The following TXNDC16 variants were observed in gnomAD, a reference collection of about 807,000 sequenced individuals.
TXNDC16 encodes the protein thioredoxin domain-containing protein 16.
A neutral mutation model predicts 85.6 loss-of-function variants in TXNDC16; 74 were observed. The observed-to-expected ratio is 0.86, with a 90% CI of 0.72 to 1.05. The LOEUF (loss-of-function observed/expected upper bound fraction) is 1.05. Among genes scored for constraint, TXNDC16 ranks in the 50% least tolerant of loss-of-function variants. The pLI, the probability that TXNDC16 is intolerant of heterozygous loss-of-function variation, is 0.00. For missense variants in TXNDC16, 959 were observed against 947.0 expected (o/e 1.01, Z -0.17); for synonymous variants, 335 against 326.5 (o/e 1.03, Z -0.28).
At chr14:52,486,564 C>A (rs772212065) in intron 12 of TXNDC16, among the ~76,000 whole-genome samples, 1 of 151,980 alleles carries the variant, frequency 6.6e-6, no homozygotes, top group Non-Finnish European at 1.5e-5. Flanking sequence ...CATTCTGATT[C>A]CATTTTGCTG....
At chr14:52,532,350 C>A (rs548620851) in intron 6 of TXNDC16, among the ~76,000 whole-genome samples, 1 of 152,128 alleles carries the variant, frequency 6.6e-6, no homozygotes, top group South Asian at 2.1e-4. Flanking sequence ...TCACTCAAGC[C>A]TGGGGAATAC....
chr14:52,507,232 C>T (rs899849580), intron 9 of TXNDC16, among the ~76,000 whole-genome samples: 1 of 152,112 alleles, frequency 6.6e-6, no homozygotes, highest in Non-Finnish European at 1.5e-5. Context: ...GATACAAAAT[C>T]AATGTGCAAA....
At chr14:52,443,546 C>T (rs2035212101) in intron 18 of TXNDC16, among the ~76,000 whole-genome samples, 2 of 152,100 alleles carry the variant, frequency 1.3e-5, no homozygotes, top group Non-Finnish European at 2.9e-5. Flanking sequence ...TGTGCTTGAG[C>T]AGGGATTTCA....
chr14:52,520,534 C>G (rs899114307), intron 6 of TXNDC16, among the ~76,000 whole-genome samples: 3 of 152,148 alleles, frequency 2.0e-5, no homozygotes, highest in Admixed American at 1.3e-4. Context: ...GGCATGAACC[C>G]GGGAGGAGGA....
At chr14:52,504,078 C>G (rs2036729195) in intron 9 of TXNDC16, among the ~76,000 whole-genome samples, 1 of 152,092 alleles carries the variant, frequency 6.6e-6, no homozygotes, top group Non-Finnish European at 1.5e-5. Flanking sequence ...CGTGAAAAGA[C>G]CAAATCTACG....
At chr14:52,540,770 G>A (rs758665483) in intron 4 of TXNDC16, among the ~76,000 whole-genome samples, 7 of 152,128 alleles carry the variant, frequency 4.6e-5, no homozygotes, top group Non-Finnish European at 7.4e-5. Context: ...AAAAGGACAG[G>A]GGCTTAGTCA....
chr14:52,485,382 T>C (rs991317505), intron 12 of TXNDC16, among the ~76,000 whole-genome samples: 3 of 152,180 alleles, frequency 2.0e-5, no homozygotes, highest in Admixed American at 6.5e-5. Context: ...TTTTTAAAAA[T>C]TGTAAAAATG....
intron 18 of TXNDC16, among the ~76,000 whole-genome samples, chr14:52,444,101 G>A (rs941722785): frequency 3.3e-5 from 5 of 152,134 alleles, no homozygotes; most frequent in Non-Finnish European, 5.9e-5. Context: ...AGAATGTTGA[G>A]GAGGAATGGT....
At chr14:52,444,715 C>A (rs1417764944) in intron 18 of TXNDC16, among the ~76,000 whole-genome samples, 2 of 151,810 alleles carry the variant, frequency 1.3e-5, no homozygotes. Context: ...ACTAAATATA[C>A]CAAGATAAAA....
chr14:52,498,959 G>A (rs1294567723), intron 9 of TXNDC16, among the ~76,000 whole-genome samples: 3 of 152,070 alleles, frequency 2.0e-5, no homozygotes, highest in African/African-American at 7.2e-5. Context: ...GCCTAGTACT[G>A]GCATAAAAAC....
chr14:52,523,460 A>G (rs1299267333), intron 6 of TXNDC16, among the ~76,000 whole-genome samples: 2 of 152,198 alleles, frequency 1.3e-5, no homozygotes, highest in African/African-American at 4.8e-5. Flanking sequence ...AAATTCTTAG[A>G]ACACAACAAA....
chr14:52,530,761 G>A (rs1038390879), intron 6 of TXNDC16, among the ~76,000 whole-genome samples: 8 of 145,340 alleles, frequency 5.5e-5, no homozygotes, highest in African/African-American at 1.8e-4. Flanking sequence ...GTATGTCTCT[G>A]TGTATTAGAA....
Position 52,514,862 on chromosome 14 carries a change from T to C in TXNDC16, c.605+18A>G. 1 of 1,559,912 alleles carries C rather than the reference T, an allele frequency of 6.4e-7. No homozygotes were observed. Among genetic ancestry groups the C allele is most frequent in the South Asian group, 1.2e-5 (1 of 84,070 alleles). On this transcript the variant is annotated intron_variant, in intron 8 of 20. Transcript: ENST00000281741. Reference sequence around the variant, plus strand: ...AAAAAAAACCTTTAAATTGTTGACATATGCTTTTTATACATACCCAATACT... The same window carrying C: ...AAAAAAAACCTTTAAATTGTTGACACATGCTTTTTATACATACCCAATACT...
rs571978315 is a variant in TXNDC16 at position 52,480,679 on chromosome 14, T to C, written c.1312+1551A>G. On this transcript the variant is annotated intron_variant, in intron 14 of 20. Coordinates refer to ENST00000281741, the MANE Select transcript of TXNDC16 (RefSeq NM_020784.3). ...CAAAAAAATAAAAAAATAATAGATG[T>C]TGGCGTGGATGTGGTGAACAGGGAA... Among the ~76,000 whole-genome samples the C allele has an allele frequency of 1.2e-3, 188 of 152,050 alleles. 6 individuals are homozygous for C. The South Asian group carries it at 0.036, about 29-fold the overall frequency.
Position 52,470,682 on chromosome 14 carries a change from T to C in TXNDC16, c.1313-2A>G. 6.3e-7 allele frequency: 1 copy of C among 1,590,764 alleles called. No individual in the cohort carries two copies. ...TAGTAAGAAGCATAGTAGATGTGCC[T>C]AAATAAAAGGAAAATGCACATTTGT... On this transcript the variant is annotated splice_acceptor_variant, in intron 14 of 20. Transcript: ENST00000281741. LOFTEE classifies it high-confidence loss of function.
rs187943498 is a variant in TXNDC16 at position 52,466,997 on chromosome 14, A to C, written c.1618+3040T>G. ...CCTAGTAGAGTCAATAGAAAAAAAAACAAGAAAATATTTAAAAAGACAGAT... is the reference window on the plus strand; with the variant it reads ...CCTAGTAGAGTCAATAGAAAAAAAACCAAGAAAATATTTAAAAAGACAGAT... On this transcript the variant is annotated intron_variant, in intron 16 of 20. Coordinates refer to ENST00000281741, the MANE Select transcript of TXNDC16 (RefSeq NM_020784.3). 7.2e-5 allele frequency among the ~76,000 whole-genome samples: 11 copies of C among 152,224 alleles called. 1 individual carries two copies. Among genetic ancestry groups the C allele is most frequent in the East Asian group, 5.8e-4 (3 of 5,192 alleles).
rs763714198 is a variant in TXNDC16, at chr14:52,482,940, T to G, written c.1134A>C (p.Glu378Asp). The change falls in exon 13 of 21, where the codon GAA becomes GAC. Residue 378 changes from glutamate (E) to aspartate (D), a missense_variant. By Grantham distance (45) the Glu-to-Asp change is conservative. Transcript: ENST00000281741. Reference sequence around the variant, plus strand: ...TTCTCTTCCTATCTCTGAAAACAGTTTCTGCCACTTCATCATCCTGAACAT... The same window carrying G: ...TTCTCTTCCTATCTCTGAAAACAGTGTCTGCCACTTCATCATCCTGAACAT... The part of the protein sequence containing the change: ...DIDVQDDEVA[E>D]TVFRDRKRKL... 9 of 1,609,182 alleles carry G rather than the reference T, an allele frequency of 5.6e-6. No homozygotes were observed. The Admixed American group carries it at 8.4e-5, about 15-fold the overall frequency.
rs1246992500 is a variant in TXNDC16 at position 52,490,979 on chromosome 14, T to C, written c.783A>G (p.Gln261=). ...CCAGTTGGAGATGGACAGTTGAAAC[T>C]TGTTGAGGATCTTCAGCAACTTCAG... ...LLTEVAEDPQ[Q]VSTVHLQLGL... The change falls in exon 10 of 21, where the codon CAA becomes CAG. Residue 261 remains glutamine, a synonymous_variant. Transcript: ENST00000281741. The C allele has an allele frequency of 1.9e-6, 3 of 1,593,296 alleles. No individual in the cohort carries two copies. In the Admixed American group the frequency reaches 5.4e-5, roughly 29 times the overall value.
At chr14:52,506,622 T>C (rs2036813615) in intron 9 of TXNDC16, among the ~76,000 whole-genome samples, 1 of 127,510 alleles carries the variant, frequency 7.8e-6, no homozygotes, top group South Asian at 2.8e-4. Flanking sequence ...AGTGGCGCAA[T>C]CTCGGCTCAC....
Sources: gnomAD v4.1 joint callset for allele counts (sites outside exome capture counted in the v4.1 genomes callset) on GRCh38, gnomAD v4.1.1 for gene constraint, MANE v1.5 for transcripts, NCBI Gene and HGNC (gene_info 2026-07-23, HGNC 2026-07-21) for gene names.